LRRC37B: variants seen among roughly 807,000 people sequenced by gnomAD.
LRRC37B encodes leucine rich repeat containing 37B.
In LRRC37B, 28 loss-of-function variants were observed where a neutral mutation model predicts 98.3. That is an observed-to-expected ratio of 0.28 (90% CI 0.21 to 0.39). LRRC37B has a LOEUF of 0.39. Among genes scored for constraint, LRRC37B ranks in the 10% least tolerant of loss-of-function variants. The pLI, the probability that LRRC37B is intolerant of heterozygous loss-of-function variation, is 1.00. For missense variants in LRRC37B, 938 were observed against 1,182.7 expected (o/e 0.79, Z 3.03); for synonymous variants, 364 against 442.7 (o/e 0.82, Z 2.23).
At chr17:32,032,268 G>GT (rs1911132483) in intron 5 of LRRC37B, among the ~76,000 whole-genome samples, 1 of 151,280 alleles carries the variant, frequency 6.6e-6, no homozygotes, top group African/African-American at 2.4e-5. Context: ...TCGAACTCCT[G>GT]TGACCTCAGG....
intron 10 of LRRC37B, 69 bp downstream of exon 13, chr17:32,049,463 A>G (rs1431006783): frequency 8.0e-6 from 12 of 1,505,050 alleles, no homozygotes; most frequent in African/African-American, 5.7e-5. Flanking sequence ...GAGTGCCCAC[A>G]TAGGAGAACC....
chr17:32,021,820 A>T, exon 1 of LRRC37B: 1 of 1,614,176 alleles, frequency 6.2e-7, no homozygotes, highest in Non-Finnish European at 8.5e-7. Flanking sequence ...TTGCCAGATG[A>T]TTATTTGAGT....
At chr17:32,014,337 A>G (rs1197631496) in intron 1 of LRRC37B, among the ~76,000 whole-genome samples, 2 of 152,210 alleles carry the variant, frequency 1.3e-5, no homozygotes, top group African/African-American at 4.8e-5. Flanking sequence ...TCAGCGATTC[A>G]AGTAACTGCA....
intron 4 of LRRC37B, among the ~76,000 whole-genome samples, chr17:32,031,045 G>A (rs892872200): frequency 2.6e-5 from 4 of 151,978 alleles, no homozygotes; most frequent in Non-Finnish European, 5.9e-5. Flanking sequence ...CAGAGATGCT[G>A]CTAAACATCC....
chr17:32,040,958 C>T (rs150785787), intron 7 of LRRC37B: 70 of 925,334 alleles, frequency 7.6e-5, no homozygotes, highest in Middle Eastern at 4.5e-4. Context: ...GCAAGATCCC[C>T]GATGAGGAGC....
At chr17:32,013,196 G>A (rs1028429447) in intron 1 of LRRC37B, among the ~76,000 whole-genome samples, 2 of 151,980 alleles carry the variant, frequency 1.3e-5, no homozygotes, top group Non-Finnish European at 2.9e-5. Context: ...ATAGAGATGG[G>A]GTTTTGCCAT....
chr17:32,034,791 TA>T, intron 5 of LRRC37B, 118 bp from the exon 9 acceptor site: 1 of 718,992 alleles, frequency 1.4e-6, no homozygotes, highest in Non-Finnish European at 2.4e-6. Flanking sequence ...ATTTATTATG[TA>T]AAAGCAGAAA....
At chr17:32,034,651 A>AT (rs961838488) in intron 5 of LRRC37B, among the ~76,000 whole-genome samples, 1 of 150,316 alleles carries the variant, frequency 6.7e-6, no homozygotes, top group Admixed American at 6.6e-5. Flanking sequence ...TCTGTGGCAT[A>AT]TTTTTTCTTT....
chr17:32,021,829 G>C (rs778998875), exon 1 of LRRC37B: 3 of 1,614,190 alleles, frequency 1.9e-6, no homozygotes, highest in South Asian at 2.2e-5. Flanking sequence ...GATTATTTGA[G>C]TATGGACACA....
upstream of LRRC37B, among the ~76,000 whole-genome samples, chr17:32,018,305 C>T (rs1320138195): frequency 6.6e-6 from 1 of 152,060 alleles, no homozygotes; most frequent in Non-Finnish European, 1.5e-5. Context: ...CCAGCCTGGG[C>T]GACAAGAGCG....
intron 7 of LRRC37B, among the ~76,000 whole-genome samples, chr17:32,044,309 A>G (rs1330851314): frequency 2.0e-5 from 3 of 152,238 alleles, no homozygotes; most frequent in Non-Finnish European, 4.4e-5. Context: ...AATCCAGTCA[A>G]AGATCAGGCA....
At chr17:32,020,947 C>G (rs559558543), upstream of LRRC37B, 3 of 1,447,974 alleles carry the variant, frequency 2.1e-6, no homozygotes, top group Non-Finnish European at 1.8e-6. Flanking sequence ...TCCGGCCTGG[C>G]GGGGTGGGAA....
exon 1 of LRRC37B, chr17:32,021,515 C>T (rs1336969396): frequency 6.2e-7 from 1 of 1,614,002 alleles, no homozygotes; most frequent in South Asian, 1.1e-5. Context: ...ACTTAAATGA[C>T]AAGCGGACTC....
chr17:32,035,442 A>G lies in LRRC37B; in HGVS notation c.2130-123A>G, dbSNP rs534953514. ...TCTGGAATTTTACGGCAAATAAACT[A>G]TTGAAGTGGCTTGTTTTATAGAGAA... On this transcript the variant is annotated intron_variant, in intron 6 of 11. Coordinates refer to ENST00000327564, the Ensembl canonical transcript of LRRC37B. 23 of 1,043,756 alleles carry G rather than the reference A, an allele frequency of 2.2e-5. 2 individuals carry two copies. Among genetic ancestry groups the G allele is most frequent in the African/African-American group, 2.1e-4 (13 of 61,140 alleles). The allele number at this position is 1,043,756 out of a possible 1,614,324, so 64.7% of individuals were successfully genotyped here.
chr17:32,013,029 A>G (rs373139053), intron 1 of LRRC37B, among the ~76,000 whole-genome samples: 1 of 110,480 alleles, frequency 9.1e-6, no homozygotes, highest in Non-Finnish European at 2.0e-5. Context: ...AAACAGACAG[A>G]CAAACAAAAA....
At chr17:32,042,533 C>T (rs904577556) in intron 7 of LRRC37B, 1 of 154,298 alleles carries the variant, frequency 6.5e-6, no homozygotes, top group Non-Finnish European at 1.4e-5. Flanking sequence ...CAGGCAGCCC[C>T]GGGGTCCCCA....
exon 8 of LRRC37B, chr17:32,045,748 C>T (rs764849637): frequency 1.2e-6 from 2 of 1,602,680 alleles, no homozygotes; most frequent in South Asian, 2.2e-5. Context: ...TTAAAAATAG[C>T]ATTGAGGCTG....
rs774426834 is a variant in LRRC37B, at chr17:32,022,774, G to A, written c.1709G>A (p.Arg570His). The A allele has an allele frequency of 1.5e-5, 24 of 1,613,852 alleles. No homozygotes were observed. Among genetic ancestry groups the A allele is most frequent in the Middle Eastern group, 1.6e-4 (1 of 6,078 alleles). Residue 570 changes from arginine to histidine, a missense_variant, in exon 1 of 12, where the codon CGC becomes CAC. Arg to His is a conservative substitution (Grantham distance 29, BLOSUM62 0). Coordinates refer to ENST00000327564, the Ensembl canonical transcript of LRRC37B. ...GGTCTCAGCCCAAAGCAGAGGCTCC[G>A]CCAAGTGCCTGTGCCAGAGCCCGAC...
chr17:32,031,849 C>G (rs1485703138), intron 5 of LRRC37B, among the ~76,000 whole-genome samples: 1 of 151,970 alleles, frequency 6.6e-6, no homozygotes, highest in Admixed American at 6.6e-5. Flanking sequence ...ACTGAAAATA[C>G]AAAAAAATTA....
Sources: gnomAD v4.1 joint callset for allele counts (sites outside exome capture counted in the v4.1 genomes callset) on GRCh38, gnomAD v4.1.1 for gene constraint, MANE v1.5 for transcripts, NCBI Gene and HGNC (gene_info 2026-07-23, HGNC 2026-07-21) for gene names.